The following EXT2 variants were observed in gnomAD, a reference collection of about 807,000 sequenced individuals.
The protein encoded by EXT2 is exostosin glycosyltransferase 2, also known as exostosin-2.
In EXT2, 53 loss-of-function variants were observed where a neutral mutation model predicts 81.6. The ratio of observed to expected loss-of-function variants is 0.65; its 90% confidence interval spans 0.52 to 0.82. The LOEUF (loss-of-function observed/expected upper bound fraction) is 0.82. Among genes scored for constraint, EXT2 ranks in the 40% least tolerant of loss-of-function variants. EXT2 has a pLI of 0.00. For synonymous variants in EXT2, 320 were observed against 340.0 expected (o/e 0.94, Z 0.65); for missense variants, 774 against 910.2 (o/e 0.85, Z 1.93).
chr11:44,144,510 C>T (rs1167480759), intron 7 of EXT2, among the ~76,000 whole-genome samples: 1 of 152,250 alleles, frequency 6.6e-6, no homozygotes, highest in Admixed American at 6.5e-5. Flanking sequence ...TTGAACTCCT[C>T]ATGGCTCCTG....
intron 1 of EXT2, among the ~76,000 whole-genome samples, chr11:44,105,377 C>T (rs1214035385): frequency 1.3e-5 from 2 of 152,154 alleles, no homozygotes; most frequent in African/African-American, 2.4e-5. Flanking sequence ...ACTGCACCTC[C>T]GCCTCCCAGG....
At chr11:44,210,709 A>G (rs1955637267) in intron 10 of EXT2, among the ~76,000 whole-genome samples, 1 of 152,210 alleles carries the variant, frequency 6.6e-6, no homozygotes, top group Admixed American at 6.5e-5. Flanking sequence ...TGTTACTTAT[A>G]CTCTAGCAGT....
At chr11:44,104,470 G>A (rs781231183) in intron 1 of EXT2, 24 of 152,150 alleles carry the variant, frequency 1.6e-4, no homozygotes, top group Non-Finnish European at 2.9e-4. Context: ...ATTAATAAAG[G>A]TTTAAAACCA....
At chr11:44,132,581 A>G (rs1590577826) in intron 7 of EXT2, among the ~76,000 whole-genome samples, 1 of 152,160 alleles carries the variant, frequency 6.6e-6, no homozygotes, top group East Asian at 1.9e-4. Flanking sequence ...AAAAAACTCT[A>G]TGAAATGCTT....
intron 10 of EXT2, among the ~76,000 whole-genome samples, chr11:44,230,571 A>G (rs1438107786): frequency 6.6e-6 from 1 of 152,168 alleles, no homozygotes; most frequent in African/African-American, 2.4e-5. Flanking sequence ...GGAAATTTAG[A>G]CACAGAGATA....
At chr11:44,176,725 C>G (rs1955163228) in intron 8 of EXT2, among the ~76,000 whole-genome samples, 1 of 152,064 alleles carries the variant, frequency 6.6e-6, no homozygotes, top group Non-Finnish European at 1.5e-5. Flanking sequence ...TCTCTAGATT[C>G]CATCAAATTT....
intron 4 of EXT2, among the ~76,000 whole-genome samples, chr11:44,119,148 A>T (rs886360460): frequency 6.4e-5 from 3 of 46,632 alleles, no homozygotes; most frequent in Admixed American, 2.3e-4. Flanking sequence ...ATATATATAT[A>T]TATATATATA....
chr11:44,181,597 T>C (rs1275511175), intron 8 of EXT2, among the ~76,000 whole-genome samples: 2 of 152,294 alleles, frequency 1.3e-5, no homozygotes, highest in East Asian at 3.9e-4. Context: ...TTCTGACCTT[T>C]CTTTTGATTT....
chr11:44,107,321 G>A (rs565326553), intron 1 of EXT2, among the ~76,000 whole-genome samples: 50 of 152,272 alleles, frequency 3.3e-4, no homozygotes, highest in Middle Eastern at 3.4e-3. Flanking sequence ...GAGGCTGGGC[G>A]CGGTGGCTTA....
intron 10 of EXT2, among the ~76,000 whole-genome samples, chr11:44,215,397 G>C (rs1490704621): frequency 6.6e-6 from 1 of 152,094 alleles, no homozygotes; most frequent in Admixed American, 6.5e-5. Context: ...ACTTTTGTCA[G>C]ATTTTTAAGT....
chr11:44,193,601 C>G (rs1309576334), intron 8 of EXT2, among the ~76,000 whole-genome samples: 2 of 152,224 alleles, frequency 1.3e-5, no homozygotes, highest in African/African-American at 4.8e-5. Flanking sequence ...AACATGCTAA[C>G]TCAATTTTGA....
chr11:44,178,170 G>A (rs561038006), intron 8 of EXT2, among the ~76,000 whole-genome samples: 2 of 152,356 alleles, frequency 1.3e-5, no homozygotes, highest in African/African-American at 2.4e-5. Flanking sequence ...CCATGGGGCA[G>A]TGGTTCTCAA....
At chr11:44,171,180 G>A (rs1270937084) in intron 7 of EXT2, among the ~76,000 whole-genome samples, 11 of 152,168 alleles carry the variant, frequency 7.2e-5, no homozygotes, top group African/African-American at 2.4e-4. Flanking sequence ...CTGGGAAATA[G>A]CATGAGGGAA....
chr11:44,104,399 A>G (rs545278078), intron 1 of EXT2, among the ~76,000 whole-genome samples: 152 of 152,058 alleles, frequency 1.0e-3, no homozygotes, highest in African/African-American at 3.5e-3. Context: ...TATATTTCTT[A>G]CTGTCAATTT....
At chr11:44,177,163 AT>A (rs1462914116) in intron 8 of EXT2, among the ~76,000 whole-genome samples, 2 of 152,222 alleles carry the variant, frequency 1.3e-5, no homozygotes, top group Non-Finnish European at 2.9e-5. Flanking sequence ...TTTGAAAGGA[AT>A]TCTTTTTGAA....
chr11:44,179,956 G>C (rs1214865572), intron 8 of EXT2, among the ~76,000 whole-genome samples: 2 of 152,192 alleles, frequency 1.3e-5, no homozygotes, highest in African/African-American at 4.8e-5. Flanking sequence ...GGTCATTACA[G>C]CTGCAGGTTA....
intron 4 of EXT2, among the ~76,000 whole-genome samples, chr11:44,118,986 TAATTC>T (rs1458012019): frequency 2.6e-5 from 4 of 151,412 alleles, no homozygotes; most frequent in African/African-American, 4.9e-5. Context: ...GGAAATTATT[TAATTC>T]AATTCAGTTT....
chr11:44,155,033 AGATATTTTCTCC>A (rs1954839550), intron 7 of EXT2, among the ~76,000 whole-genome samples: 1 of 151,994 alleles, frequency 6.6e-6, no homozygotes, highest in African/African-American at 2.4e-5. Flanking sequence ...GATTGTTTGC[AGATATTTTCTCC>A]CATTCTTTTG....
At chr11:44,111,401 T>C (rs1383145842) in intron 3 of EXT2, among the ~76,000 whole-genome samples, 2 of 152,200 alleles carry the variant, frequency 1.3e-5, no homozygotes, top group East Asian at 3.8e-4. Context: ...TAAAATATGA[T>C]GTGTTTTTCT....
Sources: allele counts gnomAD v4.1 joint callset (sites outside exome capture counted in the v4.1 genomes callset), GRCh38; gene constraint gnomAD v4.1.1; transcripts MANE v1.5; gene names NCBI Gene and HGNC (gene_info 2026-07-23, HGNC 2026-07-21).